The following UST variants were observed in gnomAD, a reference collection of about 807,000 sequenced individuals.
UST encodes chondroitin sulfate 2-O-sulfotransferase.
UST carries 21 observed loss-of-function variants against 45.6 expected under a neutral mutation model. The observed-to-expected ratio is 0.46, with a 90% CI of 0.33 to 0.66. The LOEUF is 0.66. Among genes scored for constraint, UST ranks in the 30% least tolerant of loss-of-function variants. UST has a pLI of 0.02. For missense variants in UST, 463 were observed against 512.4 expected (o/e 0.90, Z 0.93); for synonymous variants, 215 against 200.6 (o/e 1.07, Z -0.61).
At chr6:148,785,698 T>C (rs933710827) in intron 1 of UST, among the ~76,000 whole-genome samples, 22 of 152,206 alleles carry the variant, frequency 1.4e-4, no homozygotes, top group African/African-American at 5.3e-4. Context: ...ATCGTTTGGA[T>C]GAGATTTCAA....
Position 148,767,777 on chromosome 6 carries a change from C to G in UST, c.247+20100C>G, listed in dbSNP as rs111711286. Among the ~76,000 whole-genome samples the G allele has an allele frequency of 7.2e-3, 1,093 of 152,318 alleles. 13 individuals are homozygous for G. Among genetic ancestry groups the G allele is most frequent in the African/African-American group, 0.023 (967 of 41,564 alleles). On this transcript the variant is annotated intron_variant, in intron 1 of 7. Transcript: ENST00000367463. Reference sequence around the variant, plus strand: ...TAAAACACACATTAATTTCTTTGTTCACAACTGCTTTGGTTACATGCTTCC... The same window carrying G: ...TAAAACACACATTAATTTCTTTGTTGACAACTGCTTTGGTTACATGCTTCC...
intron 1 of UST, among the ~76,000 whole-genome samples, chr6:148,844,745 T>C (rs1777952431): frequency 1.3e-5 from 2 of 152,228 alleles, no homozygotes; most frequent in African/African-American, 2.4e-5. Flanking sequence ...GTAGTGAGCA[T>C]AGTACCCAGT....
chr6:149,002,807 G>A (rs561950015), intron 5 of UST, among the ~76,000 whole-genome samples: 40 of 152,164 alleles, frequency 2.6e-4, no homozygotes, highest in African/African-American at 8.4e-4. Flanking sequence ...GCGCCTGGCC[G>A]TATGACACAT....
intron 1 of UST, among the ~76,000 whole-genome samples, chr6:148,800,754 A>C (rs1228506780): frequency 3.3e-5 from 5 of 149,734 alleles, no homozygotes; most frequent in Admixed American, 1.3e-4. Flanking sequence ...GCCAATGATT[A>C]CATAACATTT....
At chr6:148,937,840 T>C (rs543878830) in intron 2 of UST, among the ~76,000 whole-genome samples, 8 of 152,348 alleles carry the variant, frequency 5.3e-5, no homozygotes, top group Non-Finnish European at 8.8e-5. Context: ...ACTCTGAGTT[T>C]ATGTTGGCAG....
intron 4 of UST, among the ~76,000 whole-genome samples, chr6:148,962,409 A>G (rs1284583349): frequency 1.3e-5 from 2 of 152,236 alleles, no homozygotes; most frequent in Non-Finnish European, 2.9e-5. Context: ...ACATAAAAGA[A>G]CAGTTGAGGT....
chr6:149,063,229 C>A lies in UST; in HGVS notation c.938-10604C>A, dbSNP rs373894561. Reference sequence around the variant, plus strand: ...AAGAAAAAACAATCTCTATTGTGTTCTTTAAATAGAAAGCTCAAAGTTTGT... The same window carrying A: ...AAGAAAAAACAATCTCTATTGTGTTATTTAAATAGAAAGCTCAAAGTTTGT... On this transcript the variant is annotated intron_variant, in intron 7 of 7. Coordinates refer to ENST00000367463, the MANE Select transcript of UST (RefSeq NM_005715.3). Among the ~76,000 whole-genome samples the A allele has an allele frequency of 1.4e-4, 22 of 152,276 alleles. No homozygotes were observed. The South Asian group carries it at 4.1e-3, about 29-fold the overall frequency.
Position 148,905,503 on chromosome 6 carries a change from T to G in UST, c.291+18474T>G, listed in dbSNP as rs547818595. ...AACCAGCTGGACCTTCCCCTCTGCC[T>G]TTCCCTGGGGTGAGACCTAGACTCC... On this transcript the variant is annotated intron_variant, in intron 2 of 7. Coordinates refer to ENST00000367463, the MANE Select transcript of UST (RefSeq NM_005715.3). Among the ~76,000 whole-genome samples, 111 of 152,298 alleles carry G rather than the reference T, an allele frequency of 7.3e-4. No homozygotes were observed. In the Middle Eastern group the frequency reaches 0.01, roughly 14 times the overall value.
At chr6:149,060,836 A>G (rs572848709) in intron 7 of UST, among the ~76,000 whole-genome samples, 8 of 152,048 alleles carry the variant, frequency 5.3e-5, no homozygotes, top group African/African-American at 1.9e-4. Flanking sequence ...GTTGATCACC[A>G]CTCAGCTCCC....
At chr6:148,898,078 G>A (rs1160175841) in intron 2 of UST, among the ~76,000 whole-genome samples, 1 of 152,124 alleles carries the variant, frequency 6.6e-6, no homozygotes, top group Non-Finnish European at 1.5e-5. Flanking sequence ...ATTGCACTGG[G>A]TAATAGATTT....
chr6:148,906,370 G>C (rs950974135), intron 2 of UST, among the ~76,000 whole-genome samples: 1 of 152,162 alleles, frequency 6.6e-6, no homozygotes, highest in Non-Finnish European at 1.5e-5. Flanking sequence ...CTTTGATTTA[G>C]AATATGATTG....
At chr6:149,040,522 G>T (rs1313746682) in intron 7 of UST, among the ~76,000 whole-genome samples, 1 of 152,092 alleles carries the variant, frequency 6.6e-6, no homozygotes, top group African/African-American at 2.4e-5. Context: ...AGGCATGGTG[G>T]TGCATGCCTG....
chr6:148,828,955 A>G (rs1163343641), intron 1 of UST, among the ~76,000 whole-genome samples: 6 of 152,242 alleles, frequency 3.9e-5, no homozygotes, highest in Non-Finnish European at 5.9e-5. Flanking sequence ...CTTAAAAATT[A>G]GAAAGCACAT....
At position 149,034,029 on chromosome 6, in the gene UST, C is replaced by A. The variant is rs181844161; in HGVS notation, c.937+12548C>A. 2.0e-5 allele frequency among the ~76,000 whole-genome samples: 3 copies of A among 152,226 alleles called. No homozygotes were observed. In the East Asian group the frequency reaches 5.8e-4, roughly 29 times the overall value. On this transcript the variant is annotated intron_variant, in intron 7 of 7. Coordinates refer to ENST00000367463, the MANE Select transcript of UST (RefSeq NM_005715.3). ...TTTCTTGATTTACTGGGGTCATGAT[C>A]TCATTCTCTTATTCCATTACCTTTA...
At chr6:149,035,567 C>A (rs1776229057) in intron 7 of UST, among the ~76,000 whole-genome samples, 1 of 151,602 alleles carries the variant, frequency 6.6e-6, no homozygotes, top group Non-Finnish European at 1.5e-5. Flanking sequence ...CCAGCCTGGA[C>A]AACATGGTGA....
intron 7 of UST, among the ~76,000 whole-genome samples, chr6:149,072,842 G>T (rs1260128870): frequency 1.3e-5 from 2 of 152,172 alleles, no homozygotes; most frequent in Non-Finnish European, 2.9e-5. Flanking sequence ...AATCGATGGG[G>T]TAAGTAGGGT....
At chr6:148,795,743 C>A (rs1776936393) in intron 1 of UST, among the ~76,000 whole-genome samples, 1 of 152,056 alleles carries the variant, frequency 6.6e-6, no homozygotes, top group Non-Finnish European at 1.5e-5. Flanking sequence ...TCTAACAGAC[C>A]TACAAAACCA....
At chr6:149,036,782 GATTA>G (rs1459533417) in intron 7 of UST, among the ~76,000 whole-genome samples, 4 of 152,262 alleles carry the variant, frequency 2.6e-5, no homozygotes, top group South Asian at 2.1e-4. Context: ...AACGGTAATT[GATTA>G]ATTAATCCCT....
chr6:148,993,472 C>T (rs1215496962), intron 5 of UST, among the ~76,000 whole-genome samples: 3 of 152,096 alleles, frequency 2.0e-5, no homozygotes, highest in Non-Finnish European at 2.9e-5. Context: ...GAGAAACTGT[C>T]TAGAACTTAG....
Sources: gnomAD v4.1 joint callset for allele counts (sites outside exome capture counted in the v4.1 genomes callset) on GRCh38, gnomAD v4.1.1 for gene constraint, MANE v1.5 for transcripts, NCBI Gene and HGNC (gene_info 2026-07-23, HGNC 2026-07-21) for gene names.